Variants in POLA1 observed in about 807,000 individuals in gnomAD.
The protein encoded by POLA1 is DNA polymerase alpha catalytic subunit.
POLA1 carries 15 observed loss-of-function variants against 124.0 expected under a neutral mutation model. That is an observed-to-expected ratio of 0.12 (90% CI 0.08 to 0.19). The LOEUF is 0.19. Among genes scored for constraint, POLA1 ranks in the 10% least tolerant of loss-of-function variants. POLA1 has a pLI of 1.00. For synonymous variants in POLA1, 408 were observed against 389.4 expected, an observed-to-expected ratio of 1.05 and a Z score of -0.56; for missense variants, 886 against 1,103.4, an observed-to-expected ratio of 0.80 and a Z score of 2.79.
rs1259999878 is a variant in POLA1 at position 24,830,160 on chromosome X, G to A, written c.3736+3559G>A. ...GATTTTTTATTTTTAAGACTCTTTTGTGGAGAGCAAGTATATTTTTCAACT... is the reference window on the plus strand; with the variant it reads ...GATTTTTTATTTTTAAGACTCTTTTATGGAGAGCAAGTATATTTTTCAACT... On this transcript the variant is annotated intron_variant, in intron 32 of 36. Coordinates refer to ENST00000379068, the MANE Select transcript of POLA1 (RefSeq NM_001330360.2). Among the ~76,000 whole-genome samples, 3 of 112,074 alleles carry A rather than the reference G, an allele frequency of 2.7e-5. No homozygotes were observed. The East Asian group carries it at 8.3e-4, about 31-fold the overall frequency.
intron 35 of POLA1, among the ~76,000 whole-genome samples, chrX:24,902,042 G>A (rs2047288192): frequency 9.0e-6 from 1 of 111,530 alleles, no homozygotes; most frequent in African/African-American, 3.3e-5. Flanking sequence ...CCCTGTACAT[G>A]CATGTACAGA....
chrX:24,971,625 C>G, intron 36 of POLA1, among the ~76,000 whole-genome samples: 1 of 112,417 alleles, frequency 8.9e-6, no homozygotes, highest in Middle Eastern at 4.6e-3. Flanking sequence ...CCAACCTCCA[C>G]TCAACCAGGC....
Position 24,733,751 on chromosome X carries a change from A to G in POLA1, c.1772-4A>G. 9.3e-7 allele frequency: 1 copy of G among 1,075,702 alleles called. No individual in the cohort carries two copies. The highest frequency in any genetic ancestry group is 1.3e-6 in the Non-Finnish European group (1 of 788,932). 88.6% of individuals were successfully genotyped at this position (1,075,702 alleles called of 1,213,427 possible). On this transcript the variant is annotated splice_polypyrimidine_tract_variant and splice_region_variant and intron_variant, in intron 16 of 36. Transcript: ENST00000379068. ...GGAATCTTTATTTTTTTTCCTTTTT[A>G]CAGTTGTGTCTAAACCAAAGGACTG...
intron 35 of POLA1, among the ~76,000 whole-genome samples, chrX:24,911,547 A>G (rs1170290417): frequency 9.0e-6 from 1 of 110,575 alleles, no homozygotes; most frequent in Non-Finnish European, 1.9e-5. Flanking sequence ...TGCACCTTAA[A>G]AAATAGAAAA....
chrX:24,763,934 T>G (rs1932844002), intron 26 of POLA1, among the ~76,000 whole-genome samples: 1 of 111,537 alleles, frequency 9.0e-6, no homozygotes, highest in Non-Finnish European at 1.9e-5. Flanking sequence ...CACCTAAGTG[T>G]CAGAACTGGA....
In POLA1 at chrX:24,995,850, A is replaced by G; in HGVS notation, c.4307A>G (p.Tyr1436Cys). ...TTTACCCCCAAAGTTCTGCAGGACTACAGAAAACTCAAGAACACAGCAGAG... is the reference window on the plus strand; with the variant it reads ...TTTACCCCCAAAGTTCTGCAGGACTGCAGAAAACTCAAGAACACAGCAGAG... ...QFFTPKVLQD[Y>C]RKLKNTAEQF... Residue 1436 changes from tyrosine (Y) to cysteine (C), a missense_variant, in exon 37 of 37, where the codon TAC becomes TGC. By Grantham distance (194) the Tyr-to-Cys change is radical. Coordinates refer to ENST00000379068, the MANE Select transcript of POLA1 (RefSeq NM_001330360.2). The G allele has an allele frequency of 2.5e-6, 3 of 1,206,856 alleles. No individual in the cohort carries two copies. The highest frequency in any genetic ancestry group is 3.4e-6 in the Non-Finnish European group (3 of 890,962).
At chrX:24,960,319 G>C (rs2048154577) in intron 36 of POLA1, among the ~76,000 whole-genome samples, 1 of 112,173 alleles carries the variant, frequency 8.9e-6, no homozygotes, top group South Asian at 3.7e-4. Flanking sequence ...TTAAGGGACA[G>C]CTACATTCCT....
chrX:24,880,355 C>T (rs902629791), intron 34 of POLA1, among the ~76,000 whole-genome samples: 2 of 111,938 alleles, frequency 1.8e-5, no homozygotes, highest in Non-Finnish European at 3.8e-5. Context: ...TTACATTGAC[C>T]GATGAGGCAC....
intron 30 of POLA1, among the ~76,000 whole-genome samples, chrX:24,818,842 C>CTGGGT (rs1292148319): frequency 8.9e-6 from 1 of 112,201 alleles, no homozygotes; most frequent in Admixed American, 9.4e-5. Context: ...TAGACGACAT[C>CTGGGT]TGGGTTTTCA....
chrX:24,962,100 T>G (rs1372284045), intron 36 of POLA1, among the ~76,000 whole-genome samples: 1 of 111,554 alleles, frequency 9.0e-6, no homozygotes, highest in Non-Finnish European at 1.9e-5. Context: ...TATGCTTTAC[T>G]ATGTTTAATC....
At chrX:24,706,010 C>T (rs1928779260) in intron 4 of POLA1, among the ~76,000 whole-genome samples, 2 of 111,749 alleles carry the variant, frequency 1.8e-5, no homozygotes, top group African/African-American at 6.5e-5. Context: ...AAGCTACTTT[C>T]CTCCCTTTTG....
In POLA1 at chrX:24,996,120, T is replaced by C. The variant is rs1168518922; in HGVS notation, c.*170T>C. The C allele has an allele frequency of 4.7e-6, 2 of 428,550 alleles. No homozygotes were observed. The highest frequency in any genetic ancestry group is 8.8e-5 in the Admixed American group (2 of 22,724). 35.3% of individuals were successfully genotyped at this position (428,550 alleles called of 1,213,427 possible). ...GGGGCTGCAAAAATGTTGAGTCTAA[T>C]GTTCGTAAGCATCATAGAAATTCCT... On this transcript the variant is annotated 3_prime_UTR_variant, in exon 37 of 37. Transcript: ENST00000379068.
intron 36 of POLA1, among the ~76,000 whole-genome samples, chrX:24,952,080 G>C (rs775102070): frequency 1.8e-5 from 2 of 111,750 alleles, no homozygotes; most frequent in South Asian, 3.8e-4. Flanking sequence ...GTGTTGGTTT[G>C]TACCATATAA....
At chrX:24,819,838 GAT>G (rs2046057737) in intron 30 of POLA1, among the ~76,000 whole-genome samples, 11 of 110,768 alleles carry the variant, frequency 9.9e-5, no homozygotes, top group African/African-American at 3.0e-4. Flanking sequence ...CCCAGTGTGT[GAT>G]GTTCCCCTCC....
intron 36 of POLA1, among the ~76,000 whole-genome samples, chrX:24,955,647 T>C (rs2048098008): frequency 1.8e-5 from 2 of 112,070 alleles, no homozygotes; most frequent in South Asian, 7.5e-4. Context: ...TTATCACACA[T>C]GGGGTGGGTT....
intron 26 of POLA1, among the ~76,000 whole-genome samples, chrX:24,767,287 T>C (rs772545346): frequency 9.0e-6 from 1 of 111,706 alleles, no homozygotes; most frequent in South Asian, 3.8e-4. Context: ...GCCTCCTAAT[T>C]TATTCTTTTT....
At chrX:24,780,547 A>T (rs954261759) in intron 26 of POLA1, among the ~76,000 whole-genome samples, 2 of 112,014 alleles carry the variant, frequency 1.8e-5, no homozygotes, top group Admixed American at 9.4e-5. Flanking sequence ...ATGTCTATTG[A>T]AGTGATCATG....
chrX:24,706,945 CA>C (rs1186883693), intron 4 of POLA1, among the ~76,000 whole-genome samples: 2 of 111,967 alleles, frequency 1.8e-5, no homozygotes, highest in Non-Finnish European at 3.8e-5. Flanking sequence ...TGGTTTATTA[CA>C]AAAAAATAAG....
chrX:24,704,502 T>C (rs1172159979), intron 4 of POLA1, 33 bp downstream of exon 4: 1 of 988,952 alleles, frequency 1.0e-6, no homozygotes. Context: ...GGTGTTGTTT[T>C]GAGATTTAAA....
Sources: allele counts gnomAD v4.1 joint callset (sites outside exome capture counted in the v4.1 genomes callset), GRCh38; gene constraint gnomAD v4.1.1; transcripts MANE v1.5; gene names NCBI Gene and HGNC (gene_info 2026-07-23, HGNC 2026-07-21).